Variants in AOPEP observed in about 807,000 individuals in gnomAD.
AOPEP encodes the protein aminopeptidase O.
AOPEP carries 77 observed loss-of-function variants against 98.1 expected under a neutral mutation model. The ratio of observed to expected loss-of-function variants is 0.78; its 90% confidence interval spans 0.65 to 0.95. AOPEP has a LOEUF of 0.95. AOPEP is among the 40% of genes least tolerant of loss of function. AOPEP has a pLI of 0.00. For synonymous variants in AOPEP, 346 were observed against 365.3 expected (o/e 0.95, Z 0.60); for missense variants, 1,024 against 1,024.7 (o/e 1.00, Z 0.01).
At chr9:95,092,184 C>T in the AOPEP span, among the ~76,000 whole-genome samples, 4 of 152,156 alleles carry the variant, frequency 2.6e-5, no homozygotes, top group Non-Finnish European at 5.9e-5. Context: ...CAACAGCTTA[C>T]AAGGAACCAG....
intron 13 of AOPEP, among the ~76,000 whole-genome samples, chr9:95,022,605 C>T (rs778593936): frequency 3.3e-5 from 5 of 151,776 alleles, no homozygotes; most frequent in Admixed American, 6.6e-5. Context: ...TCCCAAAGTG[C>T]TGGGATTACG....
rs762892735 is a variant in AOPEP, at chr9:94,760,085, TC to T, written c.303del (p.Cys102ValfsTer43). The T allele has an allele frequency of 6.2e-7, 1 of 1,614,166 alleles. No homozygotes were observed. Among genetic ancestry groups the T allele is most frequent in the South Asian group, 1.1e-5 (1 of 91,076 alleles). Reference protein sequence around the residue: ...SSEMEYNDFAICSKGEKDTSD... With the variant: ...SSEMEYNDFAXCSKGEKDTSD... ...GAAATGGAATATAATGATTTTGCAA[TC>T]TGTAGTAAAGGTGAAAAAGATACTT... On this transcript the variant is annotated frameshift_variant, in exon 2 of 17. Transcript: ENST00000375315. LOFTEE classifies it high-confidence loss of function.
intron 5 of AOPEP, among the ~76,000 whole-genome samples, chr9:94,812,282 C>T (rs1291216379): frequency 1.3e-5 from 2 of 152,182 alleles, no homozygotes; most frequent in East Asian, 1.9e-4. Flanking sequence ...GGTGGGCTTA[C>T]GGGAACATAT....
the AOPEP span, among the ~76,000 whole-genome samples, chr9:95,118,108 T>G: frequency 1.3e-5 from 2 of 152,168 alleles, no homozygotes; most frequent in African/African-American, 4.8e-5. Context: ...AACCTCCACC[T>G]CCCGGGTCCA....
intron 10 of AOPEP, among the ~76,000 whole-genome samples, chr9:94,975,808 C>G (rs1286243658): frequency 6.6e-6 from 1 of 152,238 alleles, no homozygotes; most frequent in Non-Finnish European, 1.5e-5. Context: ...GCCTCCTTGA[C>G]AAAGGCAGGG....
At chr9:94,777,625 CTTTTTTTTTTTTT>C (rs34067261) in intron 3 of AOPEP, among the ~76,000 whole-genome samples, 7 of 94,178 alleles carry the variant, frequency 7.4e-5, no homozygotes, top group South Asian at 7.9e-4. Context: ...ATTATATAAT[CTTTTTTTTTTTTT>C]TTTTTTTTTT....
intron 5 of AOPEP, among the ~76,000 whole-genome samples, chr9:94,818,218 G>A (rs547100074): frequency 7.5e-4 from 114 of 152,290 alleles, no homozygotes; most frequent in Non-Finnish European, 1.5e-3. Flanking sequence ...TGTAGATGCC[G>A]TTACATCTTA....
chr9:95,015,933 C>A (rs2062944694), intron 13 of AOPEP, among the ~76,000 whole-genome samples: 1 of 152,164 alleles, frequency 6.6e-6, no homozygotes, highest in South Asian at 2.1e-4. Flanking sequence ...AACTCCTGAC[C>A]TCAAGTGATC....
Position 94,905,508 on chromosome 9 carries a change from C to G in AOPEP, c.1365-18478C>G, listed in dbSNP as rs1205265504. 2.0e-5 allele frequency among the ~76,000 whole-genome samples: 3 copies of G among 152,102 alleles called. No homozygotes were observed. In the East Asian group the frequency reaches 5.8e-4, roughly 29 times the overall value. On this transcript the variant is annotated intron_variant, in intron 5 of 16. Coordinates refer to ENST00000375315, the MANE Select transcript of AOPEP (RefSeq NM_001193329.3). ...AGGACTAAAATTTTGATTTCAAATT[C>G]TAGTTTTATCAAAATGGTAAATATG...
At chr9:95,028,106 G>A (rs1392761361) in intron 13 of AOPEP, among the ~76,000 whole-genome samples, 1 of 152,212 alleles carries the variant, frequency 6.6e-6, no homozygotes, top group Non-Finnish European at 1.5e-5. Context: ...AGGCATTCCA[G>A]TTCACACCTA....
intron 11 of AOPEP, among the ~76,000 whole-genome samples, chr9:95,003,687 G>A (rs1404208722): frequency 1.3e-5 from 2 of 152,056 alleles, no homozygotes; most frequent in Non-Finnish European, 2.9e-5. Context: ...GTATATGATG[G>A]CTGTACAGTC....
chr9:95,063,917 CAA>C (rs35040077), intron 14 of AOPEP, among the ~76,000 whole-genome samples: 91 of 146,782 alleles, frequency 6.2e-4, no homozygotes, highest in South Asian at 6.5e-4. Context: ...AAGGCAGTTT[CAA>C]AAAAAAAAAA....
At chr9:94,845,333 AACG>A (rs1215116160) in intron 5 of AOPEP, among the ~76,000 whole-genome samples, 1 of 152,230 alleles carries the variant, frequency 6.6e-6, no homozygotes, top group African/African-American at 2.4e-5. Flanking sequence ...GTGTTGAATG[AACG>A]AGGGAAAAAA....
chr9:95,068,501 T>C (rs1361112761), intron 14 of AOPEP, among the ~76,000 whole-genome samples: 1 of 152,242 alleles, frequency 6.6e-6, no homozygotes, highest in Non-Finnish European at 1.5e-5. Flanking sequence ...TTTTGCTCAT[T>C]TTTAAATTGG....
chr9:94,879,520 G>A (rs1588674716), intron 5 of AOPEP, among the ~76,000 whole-genome samples: 2 of 152,188 alleles, frequency 1.3e-5, no homozygotes, highest in East Asian at 3.8e-4. Context: ...AGTAAAATGA[G>A]TTTCCCTATC....
At chr9:94,931,273 G>A (rs2055251633) in intron 7 of AOPEP, among the ~76,000 whole-genome samples, 1 of 152,056 alleles carries the variant, frequency 6.6e-6, no homozygotes. Context: ...TTAGACCTTT[G>A]TACTAGACAG....
chr9:95,127,713 C>T, the AOPEP span, among the ~76,000 whole-genome samples: 2 of 152,154 alleles, frequency 1.3e-5, no homozygotes, highest in African/African-American at 4.8e-5. Flanking sequence ...AGGCCCCCGT[C>T]GGCAAGAAAA....
intron 1 of AOPEP, among the ~76,000 whole-genome samples, chr9:94,755,089 C>CT (rs139708559): frequency 0.016 from 2,345 of 148,152 alleles, 54 homozygotes; most frequent in East Asian, 0.091. Flanking sequence ...CTTATTTTTT[C>CT]TTTTTTTTTT....
At chr9:94,891,580 C>T (rs2048887603) in intron 5 of AOPEP, among the ~76,000 whole-genome samples, 1 of 152,018 alleles carries the variant, frequency 6.6e-6, no homozygotes, top group African/African-American at 2.4e-5. Context: ...TAACTTATGG[C>T]AGCCTACTGT....
Sources: gnomAD v4.1 joint callset for allele counts (sites outside exome capture counted in the v4.1 genomes callset) on GRCh38, gnomAD v4.1.1 for gene constraint, MANE v1.5 for transcripts, NCBI Gene and HGNC (gene_info 2026-07-23, HGNC 2026-07-21) for gene names.